Variants in TNIP1 observed in about 807,000 individuals in gnomAD.
The protein encoded by TNIP1 is TNFAIP3 interacting protein 1, also known as TNFAIP3-interacting protein 1.
A neutral mutation model predicts 86.6 loss-of-function variants in TNIP1; 22 were observed. The observed-to-expected ratio is 0.25, with a 90% CI of 0.18 to 0.36. The LOEUF (loss-of-function observed/expected upper bound fraction) is 0.36. TNIP1 is among the 10% of genes least tolerant of loss of function. TNIP1 has a pLI of 1.00. For missense variants in TNIP1, 709 were observed against 820.6 expected (o/e 0.86, Z 1.66); for synonymous variants, 294 against 313.0 (o/e 0.94, Z 0.64).
At chr5:151,049,795 T>C (rs1359356457) in intron 8 of TNIP1, 29 bp downstream of exon 8, 1 of 1,613,772 alleles carries the variant, frequency 6.2e-7, no homozygotes, top group Non-Finnish European at 8.5e-7. Context: ...CAACCAAGGA[T>C]GCTACAGAAG....
At chr5:151,033,447 G>T in intron 16 of TNIP1, 161 bp downstream of exon 16, 1 of 476,040 alleles carries the variant, frequency 2.1e-6, no homozygotes, top group Non-Finnish European at 3.8e-6. Flanking sequence ...CTGCCCCTGG[G>T]TAGCAGCCCA....
upstream of TNIP1, chr5:151,081,107 GC>G (rs1763986632): frequency 6.6e-6 from 1 of 151,732 alleles, no homozygotes; most frequent in African/African-American, 2.4e-5. Context: ...GCCCAATCGC[GC>G]CGCGCGCTCC....
At position 151,036,905 on chromosome 5, in the gene TNIP1, A is replaced by G; in HGVS notation, c.1280T>C (p.Leu427Pro). The change falls in exon 13 of 18, where the codon CTG becomes CCG. Residue 427 changes from leucine to proline, a missense_variant. Coordinates refer to ENST00000521591, the MANE Select transcript of TNIP1 (RefSeq NM_006058.5). ...AGATGATGGCGGGGTTTGGATGCTCAGTGCTTCCTCCAGGGCCTGGAATCA... is the reference window on the plus strand; with the variant it reads ...AGATGATGGCGGGGTTTGGATGCTCGGTGCTTCCTCCAGGGCCTGGAATCA... ...QRLNKALEEA[L>P]SIQTPPSSPP... The G allele has an allele frequency of 6.2e-7, 1 of 1,609,512 alleles. No individual in the cohort carries two copies. Among genetic ancestry groups the G allele is most frequent in the Non-Finnish European group, 8.5e-7 (1 of 1,177,704 alleles).
chr5:151,050,830 A>G (rs1011324604), intron 7 of TNIP1, among the ~76,000 whole-genome samples: 9 of 151,936 alleles, frequency 5.9e-5, no homozygotes, highest in South Asian at 4.2e-4. Flanking sequence ...ACACCCAGCT[A>G]ATTTTTTTGG....
chr5:151,043,035 C>A, intron 9 of TNIP1, 74 bp from the exon 10 acceptor site: 3 of 1,480,728 alleles, frequency 2.0e-6, no homozygotes, highest in South Asian at 2.3e-5. Context: ...GCCCCATGTA[C>A]ACCAGCGTCC....
intron 11 of TNIP1, among the ~76,000 whole-genome samples, chr5:151,040,834 C>T (rs1158383411): frequency 1.3e-5 from 2 of 152,146 alleles, no homozygotes; most frequent in East Asian, 3.8e-4. Context: ...AAGACCATGC[C>T]CAGTTCCCAT....
At chr5:151,083,287 C>T (rs1408723128), upstream of TNIP1, among the ~76,000 whole-genome samples, 2 of 152,196 alleles carry the variant, frequency 1.3e-5, no homozygotes, top group East Asian at 3.8e-4. Context: ...GCAAATAAAG[C>T]CCAAGGCTCA....
At chr5:151,081,989 A>AC (rs1764060278), upstream of TNIP1, among the ~76,000 whole-genome samples, 3 of 152,256 alleles carry the variant, frequency 2.0e-5, no homozygotes, top group Non-Finnish European at 4.4e-5. Context: ...AACTAAATAT[A>AC]GCTTTATGAA....
At chr5:151,071,434 A>G (rs994143582) in intron 1 of TNIP1, among the ~76,000 whole-genome samples, 4 of 152,150 alleles carry the variant, frequency 2.6e-5, no homozygotes, top group African/African-American at 7.2e-5. Context: ...AAAAATAGTA[A>G]TAACATGGGG....
intron 1 of TNIP1, among the ~76,000 whole-genome samples, chr5:151,074,088 T>C (rs1763116989): frequency 6.6e-6 from 1 of 152,192 alleles, no homozygotes; most frequent in Non-Finnish European, 1.5e-5. Flanking sequence ...AAATTAGTTT[T>C]TAAATACAGT....
In TNIP1 at chr5:151,032,591, A is replaced by C. The variant is rs1757046614; in HGVS notation, c.1780-208T>G. ...GGTCATCTAGCAAGGAGAATGGCTA[A>C]GCTTGGATTTGAATCCAGGTCTTTG... On this transcript the variant is annotated intron_variant, in intron 16 of 17. Coordinates refer to ENST00000521591, the MANE Select transcript of TNIP1 (RefSeq NM_006058.5). The C allele has an allele frequency of 2.4e-5, 14 of 595,682 alleles. No individual in the cohort carries two copies. In the East Asian group the frequency reaches 4.0e-4, roughly 17 times the overall value. The allele number at this position is 595,682 out of a possible 1,614,324, so 36.9% of individuals were successfully genotyped here. A position where few individuals can be genotyped will look rare whatever the true frequency, so the allele number is the denominator to read the frequency against.
intron 5 of TNIP1, among the ~76,000 whole-genome samples, chr5:151,059,793 G>T (rs1453674238): frequency 4.2e-5 from 4 of 96,040 alleles, no homozygotes; most frequent in Non-Finnish European, 7.8e-5. Flanking sequence ...GAGAGAGAGA[G>T]AGAGAGAGAG....
chr5:151,065,152 T>A, intron 1 of TNIP1, 21 bp from the exon 2 acceptor site: 1 of 1,589,526 alleles, frequency 6.3e-7, no homozygotes, highest in Non-Finnish European at 8.6e-7. Flanking sequence ...AACAGCAGCA[T>A]ATCAGCAGGC....
upstream of TNIP1, chr5:151,081,037 C>G (rs1763978244): frequency 6.6e-6 from 1 of 152,186 alleles, no homozygotes; most frequent in African/African-American, 2.4e-5. Flanking sequence ...GAGGAAGTGC[C>G]GGGGGCCTGG....
In TNIP1 at chr5:151,059,860, TGTGTGTGCGCGC is replaced by T. The variant is rs1421595309; in HGVS notation, c.435+446_435+457del. 1.6e-3 allele frequency among the ~76,000 whole-genome samples: 155 copies of T among 97,320 alleles called. 2 individuals carry two copies. The highest frequency in any genetic ancestry group is 6.4e-3 in the African/African-American group (124 of 19,496). 63.8% of individuals were successfully genotyped at this position (97,320 alleles called of 152,430 possible). A position where few individuals can be genotyped will look rare whatever the true frequency, so the allele number is the denominator to read the frequency against. ...GTGTGTGTGTGTGTGTGTGTGTGTGTGTGTGTGCGCGCGCGCGCGCGCATGCGTGTAAGTGGA... is the reference window on the plus strand; with the variant it reads ...GTGTGTGTGTGTGTGTGTGTGTGTGTGCGCGCGCGCATGCGTGTAAGTGGA... On this transcript the variant is annotated intron_variant, in intron 5 of 17. Transcript: ENST00000521591.
intron 9 of TNIP1, 118 bp from the exon 10 acceptor site, chr5:151,043,079 C>T: frequency 4.0e-6 from 4 of 991,514 alleles, no homozygotes; most frequent in Non-Finnish European, 6.3e-6. Context: ...ATAGTGGCTA[C>T]AGACACTGTC....
In TNIP1 at chr5:151,053,528, T is replaced by C. The variant is rs75638746; in HGVS notation, c.628-1269A>G. Reference sequence around the variant, plus strand: ...ACTTGCTTATGTGCGGGGACTCATATTGGAAGCTCTGTGAACTGGGGGCAT... The same window carrying C: ...ACTTGCTTATGTGCGGGGACTCATACTGGAAGCTCTGTGAACTGGGGGCAT... On this transcript the variant is annotated intron_variant, in intron 6 of 17. Transcript: ENST00000521591. Among the ~76,000 whole-genome samples, 108 of 152,268 alleles carry C rather than the reference T, an allele frequency of 7.1e-4. 1 individual carries two copies. Among genetic ancestry groups the C allele is most frequent in the East Asian group, 6.7e-3 (35 of 5,188 alleles).
chr5:151,080,261 G>A (rs1349715654), intron 1 of TNIP1: 1 of 152,214 alleles, frequency 6.6e-6, no homozygotes, highest in Non-Finnish European at 1.5e-5. Flanking sequence ...ATGTTCAACA[G>A]AAATAGTATA....
In TNIP1 at chr5:151,033,490, G is replaced by A. The variant is rs2233308; in HGVS notation, c.1779+118C>T. ...GCCCTGGACACCCACCTGCCACCAC[G>A]GTGCTGTTTAGTTCAGAAGGATGCA... On this transcript the variant is annotated intron_variant, in intron 16 of 17. Transcript: ENST00000521591. The A allele has an allele frequency of 3.4e-3, 2,242 of 653,778 alleles. 43 individuals carry two copies. In the African/African-American group the frequency reaches 0.038, roughly 11 times the overall value. The allele number at this position is 653,778 out of a possible 1,614,324, so 40.5% of individuals were successfully genotyped here. A position where few individuals can be genotyped will look rare whatever the true frequency, so the allele number is the denominator to read the frequency against.
Sources: allele counts gnomAD v4.1 joint callset (sites outside exome capture counted in the v4.1 genomes callset), GRCh38; gene constraint gnomAD v4.1.1; transcripts MANE v1.5; gene names NCBI Gene and HGNC (gene_info 2026-07-23, HGNC 2026-07-21).